CLIP1: variants seen among roughly 807,000 people sequenced by gnomAD.
CLIP1 encodes the protein CAP-Gly domain containing linker protein 1.
Under a neutral mutation model 161.6 loss-of-function variants are expected in CLIP1, and 66 were observed. The ratio of observed to expected loss-of-function variants is 0.41; its 90% CI spans 0.33 to 0.50. The LOEUF (loss-of-function observed/expected upper bound fraction) is 0.50. Among genes scored for constraint, CLIP1 ranks in the 20% least tolerant of loss-of-function variants. The probability of loss-of-function intolerance (pLI) is 0.27; values close to 1 mark genes in which losing one functional copy is unlikely to be tolerated. For missense variants in CLIP1, 1,376 were observed against 1,702.0 expected (o/e 0.81, Z 3.37); for synonymous variants, 598 against 626.2 (o/e 0.96, Z 0.67).
chr12:122,330,368 G>C (rs1460463019), intron 15 of CLIP1, among the ~76,000 whole-genome samples: 1 of 152,082 alleles, frequency 6.6e-6, no homozygotes, highest in African/African-American at 2.4e-5. Context: ...ATTGTGTGGG[G>C]GTGAAAGGCT....
At chr12:122,348,273 A>C (rs1952843195) in intron 9 of CLIP1, among the ~76,000 whole-genome samples, 1 of 152,218 alleles carries the variant, frequency 6.6e-6, no homozygotes, top group South Asian at 2.1e-4. Context: ...TACAAAGAGA[A>C]AATTTAGTAA....
At chr12:122,402,803 A>T (rs1278057711) in intron 1 of CLIP1, among the ~76,000 whole-genome samples, 1 of 152,186 alleles carries the variant, frequency 6.6e-6, no homozygotes, top group Non-Finnish European at 1.5e-5. Context: ...TCTGTCTCAA[A>T]AAACAAATAT....
chr12:122,403,820 G>A (rs888838509), intron 1 of CLIP1, among the ~76,000 whole-genome samples: 1 of 151,878 alleles, frequency 6.6e-6, no homozygotes. Context: ...GTGCCCAGCC[G>A]CATATAGCTG....
intron 10 of CLIP1, among the ~76,000 whole-genome samples, 199 bp downstream of exon 10, chr12:122,347,176 C>T (rs796259110): frequency 6.6e-6 from 1 of 152,158 alleles, no homozygotes; most frequent in East Asian, 1.9e-4. Flanking sequence ...AGGAATGAGT[C>T]TTTACTTTTG....
At chr12:122,336,361 A>C (rs980238960) in intron 12 of CLIP1, among the ~76,000 whole-genome samples, 1 of 151,724 alleles carries the variant, frequency 6.6e-6, no homozygotes, top group African/African-American at 2.4e-5. Context: ...AGTAAAACTA[A>C]GTAGTCAATA....
chr12:122,396,775 T>A (rs2137033304), intron 1 of CLIP1: 1 of 151,680 alleles, frequency 6.6e-6, no homozygotes, highest in African/African-American at 2.4e-5. Flanking sequence ...TTGTTTATTT[T>A]TTTTTTTTTG....
chr12:122,411,205 C>G (rs370912997), intron 1 of CLIP1, among the ~76,000 whole-genome samples: 1 of 152,176 alleles, frequency 6.6e-6, no homozygotes, highest in East Asian at 1.9e-4. Flanking sequence ...CACCTGAGGT[C>G]AGGAGTTTGA....
chr12:122,341,620 C>A lies in CLIP1; in HGVS notation c.1584G>T (p.Glu528Asp). ...TATTGGACTCTAGCCTTCTTCGGAG[C>A]TCAGCTACTTCCTGTACTCTCAATG... ...DLALRVQEVA[E>D]LRRRLESNKP... The change falls in exon 11 of 26, where the codon GAG becomes GAT. Residue 528 changes from glutamate to aspartate, a missense_variant. By Grantham distance (45) the Glu-to-Asp change is conservative. This residue lies in a region of CLIP1 where 948 missense variants were observed against 1,134.8 expected (regional missense o/e 0.84). Transcript: ENST00000620786. 1 of 1,613,314 alleles carries A rather than the reference C, an allele frequency of 6.2e-7. No individual in the cohort carries two copies. The highest frequency in any genetic ancestry group is 2.2e-5 in the East Asian group (1 of 44,882).
chr12:122,322,096 T>C (rs1555263894), intron 17 of CLIP1: 1 of 152,770 alleles, frequency 6.5e-6, no homozygotes, highest in East Asian at 1.9e-4. Flanking sequence ...TGCTCAATAC[T>C]TGACCCTCTC....
At chr12:122,300,701 C>T (rs1026262066) in intron 20 of CLIP1, among the ~76,000 whole-genome samples, 1 of 152,122 alleles carries the variant, frequency 6.6e-6, no homozygotes, top group African/African-American at 2.4e-5. Flanking sequence ...AGTAGCCGCC[C>T]GTATTGAACA....
At chr12:122,359,171 T>C (rs1466548202) in intron 5 of CLIP1, among the ~76,000 whole-genome samples, 1 of 152,246 alleles carries the variant, frequency 6.6e-6, no homozygotes, top group African/African-American at 2.4e-5. Flanking sequence ...GAAATGACAC[T>C]TTCAATTTCT....
intron 20 of CLIP1, among the ~76,000 whole-genome samples, chr12:122,294,561 G>C (rs879563764): frequency 2.6e-5 from 4 of 151,630 alleles, no homozygotes. Flanking sequence ...CCAGGAGTTC[G>C]AGACCAGCCT....
chr12:122,336,756 A>T lies in CLIP1; in HGVS notation c.2452-8T>A. The T allele has an allele frequency of 1.6e-5, 22 of 1,336,816 alleles. No homozygotes were observed. Among genetic ancestry groups the T allele is most frequent in the South Asian group, 2.4e-5 (2 of 83,176 alleles). 82.8% of individuals were successfully genotyped at this position (1,336,816 alleles called of 1,614,324 possible). A position where few individuals can be genotyped will look rare whatever the true frequency, so the allele number is the denominator to read the frequency against. Reference sequence around the variant, plus strand: ...TCTGGTAATGCTACTAGCCTAACACACAGTGTTACATGGTATAGAAGCAAA... The same window carrying T: ...TCTGGTAATGCTACTAGCCTAACACTCAGTGTTACATGGTATAGAAGCAAA... On this transcript the variant is annotated splice_region_variant and splice_polypyrimidine_tract_variant and intron_variant, in intron 11 of 25. Coordinates refer to ENST00000620786, the MANE Select transcript of CLIP1 (RefSeq NM_001247997.2).
chr12:122,279,889 G>C lies in CLIP1; in HGVS notation c.3648-744C>G, dbSNP rs976545914. On this transcript the variant is annotated intron_variant, in intron 21 of 25. Transcript: ENST00000620786. The surrounding 1 kb of genome is among the most constrained non-coding windows in gnomAD (Gnocchi z 4.5). Reference sequence around the variant, plus strand: ...TTCAGAGCGCCTGGTTTATGTTCTCGGCCTGACTCAGCACTTGGTTATCAG... The same window carrying C: ...TTCAGAGCGCCTGGTTTATGTTCTCCGCCTGACTCAGCACTTGGTTATCAG... The C allele has an allele frequency of 6.6e-6, 1 of 152,114 alleles. No homozygotes were observed. Among genetic ancestry groups the C allele is most frequent in the Non-Finnish European group, 1.5e-5 (1 of 68,054 alleles). 9.4% of individuals were successfully genotyped at this position (152,114 alleles called of 1,614,324 possible).
intron 20 of CLIP1, among the ~76,000 whole-genome samples, chr12:122,293,421 T>C (rs1950335266): frequency 6.6e-6 from 1 of 151,932 alleles, no homozygotes; most frequent in Non-Finnish European, 1.5e-5. Context: ...GGAAACCTCA[T>C]AAATTGCTGG....
At chr12:122,337,682 CT>C (rs958241406) in intron 11 of CLIP1, among the ~76,000 whole-genome samples, 1 of 152,042 alleles carries the variant, frequency 6.6e-6, no homozygotes, top group Admixed American at 6.6e-5. Flanking sequence ...TGGATGCTTA[CT>C]TTCTAAATGA....
chr12:122,311,108 A>G lies in CLIP1; in HGVS notation c.3474-1226T>C, dbSNP rs576981263. Among the ~76,000 whole-genome samples, 1 of 152,296 alleles carries G rather than the reference A, an allele frequency of 6.6e-6. No individual in the cohort carries two copies. The highest frequency in any genetic ancestry group is 2.4e-5 in the African/African-American group (1 of 41,556). ...TATATGAATCTCTCTCTATATATGT[A>G]TATATGTATATACATGCACATACAC... On this transcript the variant is annotated intron_variant, in intron 19 of 25. Transcript: ENST00000620786. The surrounding 1 kb of genome is among the most constrained non-coding windows in gnomAD (Gnocchi z 4.3).
At chr12:122,340,197 C>A (rs796245804) in intron 11 of CLIP1, among the ~76,000 whole-genome samples, 25 of 152,130 alleles carry the variant, frequency 1.6e-4, no homozygotes, top group African/African-American at 6.0e-4. Context: ...TCTCCTGCCT[C>A]AGCCTCCTGG....
At chr12:122,373,144 G>A (rs534970294) in intron 3 of CLIP1, among the ~76,000 whole-genome samples, 7 of 152,212 alleles carry the variant, frequency 4.6e-5, no homozygotes, top group Non-Finnish European at 7.4e-5. Context: ...GTTAATAAGG[G>A]CCGGGCGTGG....
Sources: allele counts gnomAD v4.1 joint callset (sites outside exome capture counted in the v4.1 genomes callset), GRCh38; gene constraint gnomAD v4.1.1; regional missense constraint gnomAD v4.1.1; non-coding constraint Gnocchi (gnomAD v3.1); transcripts MANE v1.5; gene names NCBI Gene and HGNC (gene_info 2026-07-23, HGNC 2026-07-21).